The following IQCH variants were observed in gnomAD, a reference collection of about 807,000 sequenced individuals.
The protein encoded by IQCH is IQ domain-containing protein H.
IQCH carries 98 observed loss-of-function variants against 117.0 expected under a neutral mutation model. The ratio of observed to expected loss-of-function variants is 0.84; its 90% CI spans 0.71 to 0.99. The LOEUF (loss-of-function observed/expected upper bound fraction) is 0.99, where lower values mean the gene tolerates loss of function less well. Ranked by LOEUF, IQCH falls within the 50% of genes least tolerant of loss-of-function variation. The pLI is 0.00. For missense variants in IQCH, 1,102 were observed against 1,243.8 expected (o/e 0.89, Z 1.72); for synonymous variants, 412 against 448.2 (o/e 0.92, Z 1.02).
At chr15:67,339,796 A>G (rs554998161) in intron 5 of IQCH, among the ~76,000 whole-genome samples, 2 of 152,312 alleles carry the variant, frequency 1.3e-5, no homozygotes, top group Admixed American at 1.3e-4. Context: ...TGGGGCAAGA[A>G]TGTTCATTTA....
chr15:67,327,578 T>A (rs535327040), intron 4 of IQCH, among the ~76,000 whole-genome samples: 109 of 152,358 alleles, frequency 7.2e-4, no homozygotes, highest in African/African-American at 2.6e-3. Context: ...AGAACTTTTA[T>A]TGTTATGAAC....
In IQCH at chr15:67,359,975, T is replaced by G. The variant is rs1160255099; in HGVS notation, c.753+90T>G. ...CAGGGCAAGAGTATGGGTGACTGCT[T>G]GACAGCTGGAGATGGCAACAAAAGT... On this transcript the variant is annotated intron_variant, in intron 8 of 20. Coordinates refer to ENST00000335894, the MANE Select transcript of IQCH (RefSeq NM_001031715.3). The surrounding 1 kb of genome is among the most constrained non-coding windows in gnomAD (Gnocchi z 4.5). 5 of 970,780 alleles carry G rather than the reference T, an allele frequency of 5.2e-6. No individual in the cohort carries two copies. The highest frequency in any genetic ancestry group is 8.1e-6 in the Non-Finnish European group (5 of 620,412). 60.1% of individuals were successfully genotyped at this position (970,780 alleles called of 1,614,324 possible).
chr15:67,323,314 C>T (rs1351920500), intron 4 of IQCH, among the ~76,000 whole-genome samples: 1 of 139,044 alleles, frequency 7.2e-6, no homozygotes, highest in African/African-American at 2.7e-5. Flanking sequence ...GCGATCTCGG[C>T]TCACTGCAAG....
intron 12 of IQCH, among the ~76,000 whole-genome samples, chr15:67,394,378 T>A (rs1971388893): frequency 6.6e-6 from 1 of 152,204 alleles, no homozygotes; most frequent in African/African-American, 2.4e-5. Flanking sequence ...ATTTTACAGA[T>A]GAGGAAACAG....
chr15:67,494,666 C>A lies in IQCH; in HGVS notation c.2970+300C>A, dbSNP rs1431892208. Among the ~76,000 whole-genome samples the A allele has an allele frequency of 2.0e-5, 3 of 152,090 alleles. No individual in the cohort carries two copies. The East Asian group carries it at 5.8e-4, about 29-fold the overall frequency. The stretch of plus-strand genomic sequence containing the variant: ...TGAGTCTGAAATGTCACAATGGAAC[C>A]AAAACAGAGATCGTCACAACCAAAA... On this transcript the variant is annotated intron_variant, in intron 20 of 20. Transcript: ENST00000335894. The surrounding 1 kb of genome is among the most constrained non-coding windows in gnomAD (Gnocchi z 5.5).
At chr15:67,362,072 GAA>G (rs1409580674) in intron 8 of IQCH, among the ~76,000 whole-genome samples, 1 of 151,716 alleles carries the variant, frequency 6.6e-6, no homozygotes, top group Non-Finnish European at 1.5e-5. Flanking sequence ...GGAACAGGAA[GAA>G]AGAGGAAGGA....
At position 67,384,128 on chromosome 15, in the gene IQCH, GA is replaced by G. The variant is rs897198661; in HGVS notation, c.1373-799del. On this transcript the variant is annotated intron_variant, in intron 10 of 20. Coordinates refer to ENST00000335894, the MANE Select transcript of IQCH (RefSeq NM_001031715.3). This position sits in a 1 kb window ranked among gnomAD's most constrained non-coding sequence, Gnocchi z 4.3. ...AAATGTGAAAAGCAATTTTAATGAA[GA>G]AAAAAAAAGTTACACCTACAGTTGT... Among the ~76,000 whole-genome samples, 5 of 151,056 alleles carry G rather than the reference GA, an allele frequency of 3.3e-5. No homozygotes were observed. Among genetic ancestry groups the G allele is most frequent in the African/African-American group, 4.9e-5 (2 of 41,132 alleles).
intron 9 of IQCH, 50 bp downstream of exon 9, chr15:67,372,712 C>A: frequency 1.4e-6 from 2 of 1,472,760 alleles, no homozygotes; most frequent in Non-Finnish European, 1.8e-6. Context: ...CTAAACATTT[C>A]GTGCTTGAGC....
intron 18 of IQCH, among the ~76,000 whole-genome samples, chr15:67,483,496 G>A (rs1195881144): frequency 1.3e-5 from 2 of 152,226 alleles, no homozygotes; most frequent in Non-Finnish European, 2.9e-5. Context: ...CAGCCTGGGT[G>A]AGAAAGCAAG....
chr15:67,263,257 T>G (rs1459234466), intron 3 of IQCH, 41 bp downstream of exon 3: 3 of 1,022,064 alleles, frequency 2.9e-6, no homozygotes, highest in Non-Finnish European at 4.5e-6. Context: ...TAAATAAAAT[T>G]GAGAAATAAC....
intron 4 of IQCH, among the ~76,000 whole-genome samples, chr15:67,299,768 T>C (rs1338922935): frequency 6.6e-6 from 1 of 152,146 alleles, no homozygotes; most frequent in Non-Finnish European, 1.5e-5. Context: ...TTGATTGTAT[T>C]CAGATTCTGT....
chr15:67,311,671 A>T (rs1462476154), intron 4 of IQCH, among the ~76,000 whole-genome samples: 1 of 151,536 alleles, frequency 6.6e-6, no homozygotes, highest in Non-Finnish European at 1.5e-5. Context: ...ATTGTTACTT[A>T]TATATGTTTT....
At chr15:67,321,308 C>CT (rs1366298616) in intron 4 of IQCH, among the ~76,000 whole-genome samples, 1 of 152,136 alleles carries the variant, frequency 6.6e-6, no homozygotes, top group Admixed American at 6.5e-5. Context: ...TCACCACATT[C>CT]TTTAAGTCTG....
rs949995745 is a variant in IQCH at position 67,373,624 on chromosome 15, TAA to T, written c.1372+193_1372+194del. The T allele has an allele frequency of 4.5e-6, 3 of 668,040 alleles. No homozygotes were observed. In the African/African-American group the frequency reaches 5.4e-5, roughly 12 times the overall value. 41.4% of individuals were successfully genotyped at this position (668,040 alleles called of 1,614,324 possible). ...GCGTTTAATTTGGGGATTAAGCAAATAAAGTCATTATGTGGGGGCTGCTATTC... is the reference window on the plus strand; with the variant it reads ...GCGTTTAATTTGGGGATTAAGCAAATAGTCATTATGTGGGGGCTGCTATTC... On this transcript the variant is annotated intron_variant, in intron 10 of 20. Coordinates refer to ENST00000335894, the MANE Select transcript of IQCH (RefSeq NM_001031715.3).
intron 18 of IQCH, among the ~76,000 whole-genome samples, chr15:67,488,549 C>G (rs1170426773): frequency 6.6e-6 from 1 of 152,164 alleles, no homozygotes; most frequent in Non-Finnish European, 1.5e-5. Context: ...TGTAAAATAT[C>G]TCCCATAGAA....
chr15:67,409,094 C>T (rs1366780619), intron 14 of IQCH, among the ~76,000 whole-genome samples: 1 of 151,956 alleles, frequency 6.6e-6, no homozygotes, highest in Non-Finnish European at 1.5e-5. Flanking sequence ...TTTAATTGTT[C>T]CTTTAGCAGA....
intron 5 of IQCH, among the ~76,000 whole-genome samples, chr15:67,339,136 C>T (rs943046928): frequency 1.3e-5 from 2 of 152,122 alleles, no homozygotes; most frequent in Non-Finnish European, 2.9e-5. Context: ...TAGTTGTTGA[C>T]ACATAATAGG....
At chr15:67,373,606 A>T in intron 10 of IQCH, 173 bp downstream of exon 10, 1 of 677,256 alleles carries the variant, frequency 1.5e-6, no homozygotes, top group Non-Finnish European at 2.7e-6. Flanking sequence ...ACGGCGTTTA[A>T]TTTGGGGATT....
intron 4 of IQCH, among the ~76,000 whole-genome samples, chr15:67,315,206 C>T (rs898552795): frequency 6.6e-6 from 1 of 152,148 alleles, no homozygotes; most frequent in Non-Finnish European, 1.5e-5. Context: ...ATCTGATGAG[C>T]ATATTTTCTC....
Sources: allele counts gnomAD v4.1 joint callset (sites outside exome capture counted in the v4.1 genomes callset), GRCh38; gene constraint gnomAD v4.1.1; non-coding constraint Gnocchi (gnomAD v3.1); transcripts MANE v1.5; gene names NCBI Gene and HGNC (gene_info 2026-07-23, HGNC 2026-07-21).